Variants in ZNF84 observed in about 807,000 individuals in gnomAD.
ZNF84 encodes the protein zinc finger protein 84.
A neutral mutation model predicts 14.8 loss-of-function variants in ZNF84; 12 were observed. The ratio of observed to expected loss-of-function variants is 0.81; its 90% CI spans 0.52 to 1.31. The LOEUF (loss-of-function observed/expected upper bound fraction) is 1.31. ZNF84 is among the 50% of genes most tolerant of loss of function. The probability of loss-of-function intolerance (pLI) is 0.00; values close to 1 mark genes in which losing one functional copy is unlikely to be tolerated. For synonymous variants in ZNF84, 347 were observed against 291.1 expected, an observed-to-expected ratio of 1.19 and a Z score of -1.96; for missense variants, 859 against 878.6, an observed-to-expected ratio of 0.98 and a Z score of 0.28.
Position 133,050,404 on chromosome 12 carries a change from T to C in ZNF84, c.238+1556T>C, listed in dbSNP as rs1247431779. The C allele has an allele frequency of 1.3e-5, 5 of 398,144 alleles. No homozygotes were observed. The Admixed American group carries it at 1.3e-4, about 11-fold the overall frequency. The allele number at this position is 398,144 out of a possible 1,614,324, so 24.7% of individuals were successfully genotyped here. A position where few individuals can be genotyped will look rare whatever the true frequency, so the allele number is the denominator to read the frequency against. On this transcript the variant is annotated intron_variant, in intron 4 of 4. Coordinates refer to ENST00000539354, the MANE Select transcript of ZNF84 (RefSeq NM_001289971.2). The stretch of plus-strand genomic sequence containing the variant: ...GGTCCCTGCATACAGACCAATCTTA[T>C]GCTTTCAGCTCAAGAAAGTTCTTGG...
chr12:133,048,313 A>G (rs969892961), intron 3 of ZNF84: 37 of 421,584 alleles, frequency 8.8e-5, no homozygotes, highest in African/African-American at 6.7e-4. Context: ...TTAAGTAGTA[A>G]TAGTTTGAGC....
Position 133,048,072 on chromosome 12 carries a change from G to C in ZNF84, c.133G>C (p.Val45Leu). Residue 45 changes from valine to leucine, a missense_variant, in exon 3 of 5, where the codon GTG becomes CTG. Coordinates refer to ENST00000539354, the MANE Select transcript of ZNF84 (RefSeq NM_001289971.2). ...DVMLENYSSLVSLGYEVMKPD... is the reference protein window; with the variant it reads ...DVMLENYSSLLSLGYEVMKPD... ...GATGTTGGAGAACTATAGCAGCCTAGTGTCACTGGGTAATAAAAGCTTTCT... is the reference window on the plus strand; with the variant it reads ...GATGTTGGAGAACTATAGCAGCCTACTGTCACTGGGTAATAAAAGCTTTCT... The C allele has an allele frequency of 6.2e-7, 1 of 1,613,546 alleles. No homozygotes were observed. The highest frequency in any genetic ancestry group is 8.5e-7 in the Non-Finnish European group (1 of 1,179,630).
intron 3 of ZNF84, chr12:133,048,287 A>G (rs1394397281): frequency 6.5e-6 from 3 of 459,346 alleles, no homozygotes; most frequent in African/African-American, 1.9e-5. Flanking sequence ...TAAGTTTGTC[A>G]TGCAGCCTCT....
Position 133,059,996 on chromosome 12 carries a change from T to C in ZNF84, c.*1064T>C, listed in dbSNP as rs1185828751. The stretch of plus-strand genomic sequence containing the variant: ...AAAGGCAGGAACCACAGAATAACCA[T>C]AGTAATATATAACTGAATGAGCAAA... On this transcript the variant is annotated 3_prime_UTR_variant, in exon 5 of 5. Transcript: ENST00000539354. The C allele has an allele frequency of 2.0e-5, 3 of 152,140 alleles. No individual in the cohort carries two copies. The highest frequency in any genetic ancestry group is 7.2e-5 in the African/African-American group (3 of 41,426). 9.4% of individuals were successfully genotyped at this position (152,140 alleles called of 1,614,324 possible). A position where few individuals can be genotyped will look rare whatever the true frequency, so the allele number is the denominator to read the frequency against.
chr12:133,052,551 T>C (rs1176219257), intron 4 of ZNF84, among the ~76,000 whole-genome samples: 1 of 152,182 alleles, frequency 6.6e-6, no homozygotes, highest in Non-Finnish European at 1.5e-5. Flanking sequence ...TCCAGGCTCC[T>C]CTGAAACTCC....
intron 3 of ZNF84, chr12:133,048,375 C>T (rs1239186007): frequency 6.6e-6 from 2 of 304,742 alleles, no homozygotes; most frequent in South Asian, 5.7e-5. Flanking sequence ...CATCTTATAC[C>T]AAGTGCTTTA....
chr12:133,057,911 G>T lies in ZNF84; in HGVS notation c.1196G>T (p.Gly399Val). Residue 399 changes from glycine (G) to valine (V), a missense_variant, in exon 5 of 5, where the codon GGA becomes GTA. Transcript: ENST00000539354. The stretch of plus-strand genomic sequence containing the variant: ...ATTAGACATCAGACAATTCATACTG[G>T]AGAGAAACCCTATGAATGCAGCGAG... ...ELIRHQTIHT[G>V]EKPYECSECR... 1 of 1,614,090 alleles carries T rather than the reference G, an allele frequency of 6.2e-7. No homozygotes were observed. The highest frequency in any genetic ancestry group is 8.5e-7 in the Non-Finnish European group (1 of 1,180,018).
intron 4 of ZNF84, among the ~76,000 whole-genome samples, chr12:133,052,689 T>C (rs1161354044): frequency 1.3e-5 from 2 of 152,250 alleles, no homozygotes; most frequent in East Asian, 3.8e-4. Context: ...CCTACCCTTA[T>C]GACCTCATTT....
intron 4 of ZNF84, chr12:133,050,422 G>A (rs1436593280): frequency 1.8e-5 from 7 of 398,480 alleles, no homozygotes; most frequent in African/African-American, 4.1e-5. Context: ...GCTCAAGAAA[G>A]TTCTTGGGTA....
Position 133,047,942 on chromosome 12 carries a change from T to C in ZNF84, c.16-13T>C, listed in dbSNP as rs948069703. 1 of 1,613,608 alleles carries C rather than the reference T, an allele frequency of 6.2e-7. No individual in the cohort carries two copies. The highest frequency in any genetic ancestry group is 2.2e-5 in the East Asian group (1 of 44,852). On this transcript the variant is annotated splice_polypyrimidine_tract_variant and intron_variant, in intron 2 of 4. Coordinates refer to ENST00000539354, the MANE Select transcript of ZNF84 (RefSeq NM_001289971.2). The stretch of plus-strand genomic sequence containing the variant: ...TTAACTGCTTCAGATTTACCAGGAT[T>C]GTGCTCTTACAGGAGTCATTCTCAT...
rs1954227645 is a variant in ZNF84 at position 133,059,840 on chromosome 12, T to A, written c.*908T>A. 6.6e-6 allele frequency: 1 copy of A among 152,214 alleles called. No individual in the cohort carries two copies. The highest frequency in any genetic ancestry group is 1.5e-5 in the Non-Finnish European group (1 of 68,022). 9.4% of individuals were successfully genotyped at this position (152,214 alleles called of 1,614,324 possible). A position where few individuals can be genotyped will look rare whatever the true frequency, so the allele number is the denominator to read the frequency against. On this transcript the variant is annotated 3_prime_UTR_variant, in exon 5 of 5. Transcript: ENST00000539354. Reference sequence around the variant, plus strand: ...AGTACCTTAAGTGATAACCCGTTTCTTTTAACTTATAGACATACATAAGGG... The same window carrying A: ...AGTACCTTAAGTGATAACCCGTTTCATTTAACTTATAGACATACATAAGGG...
chr12:133,047,492 A>G (rs1954002300), intron 2 of ZNF84: 1 of 153,612 alleles, frequency 6.5e-6, no homozygotes, highest in South Asian at 2.0e-4. Flanking sequence ...GTTTCAAAAC[A>G]ATTATGTGAT....
At position 133,047,948 on chromosome 12, in the gene ZNF84, C is replaced by G; in HGVS notation, c.16-7C>G. ...GCTTCAGATTTACCAGGATTGTGCT[C>G]TTACAGGAGTCATTCTCATTTGACG... On this transcript the variant is annotated splice_region_variant and splice_polypyrimidine_tract_variant and intron_variant, in intron 2 of 4. Transcript: ENST00000539354. 1 of 1,613,628 alleles carries G rather than the reference C, an allele frequency of 6.2e-7. No individual in the cohort carries two copies. Among genetic ancestry groups the G allele is most frequent in the South Asian group, 1.1e-5 (1 of 90,990 alleles).
intron 2 of ZNF84, among the ~76,000 whole-genome samples, chr12:133,047,115 T>G (rs1047800771): frequency 2.0e-4 from 30 of 151,664 alleles, no homozygotes; most frequent in Non-Finnish European, 3.7e-4. Context: ...TTCTTTCTTT[T>G]GCTACTACCT....
intron 3 of ZNF84, 173 bp downstream of exon 3, chr12:133,048,254 C>A: frequency 1.9e-6 from 1 of 536,082 alleles, no homozygotes; most frequent in Non-Finnish European, 3.3e-6. Flanking sequence ...GTATTTGGGT[C>A]TCACCTTTCA....
In ZNF84 at chr12:133,060,819, A is replaced by G. The variant is rs796224228; in HGVS notation, c.*1887A>G. ...AAAATGCATGAACCATCCCTTAGCT[A>G]AGTAAGGATTTTGTAATGTTCTCTC... is the stretch of plus-strand genomic sequence containing the variant. On this transcript the variant is annotated 3_prime_UTR_variant, in exon 5 of 5. Transcript: ENST00000539354. The G allele has an allele frequency of 2.0e-3, 302 of 152,336 alleles. No individual in the cohort carries two copies. The highest frequency in any genetic ancestry group is 6.9e-3 in the African/African-American group (287 of 41,584). 9.4% of individuals were successfully genotyped at this position (152,336 alleles called of 1,614,324 possible).
chr12:133,049,007 G>A (rs1441988887), intron 4 of ZNF84, among the ~76,000 whole-genome samples, 159 bp downstream of exon 4: 1 of 152,146 alleles, frequency 6.6e-6, no homozygotes, highest in Non-Finnish European at 1.5e-5. Context: ...GGTCAGTGAT[G>A]GGTTGGCATC....
Position 133,057,048 on chromosome 12 carries a change from A to G in ZNF84, c.333A>G (p.Gly111=). 1 of 1,613,202 alleles carries G rather than the reference A, an allele frequency of 6.2e-7. No individual in the cohort carries two copies. The highest frequency in any genetic ancestry group is 8.5e-7 in the Non-Finnish European group (1 of 1,179,784). Residue 111 remains glycine, a synonymous_variant, in exon 5 of 5, where the codon GGA becomes GGG. Transcript: ENST00000539354. ...GAGGTCATGAATGTGATGCATTTGG[A>G]AAAAATTTCAATCTGAACATGAACT... is the stretch of plus-strand genomic sequence containing the variant. ...IKRGHECDAF[G]KNFNLNMNFV...
At chr12:133,039,451 A>C (rs1194240088) in intron 1 of ZNF84, among the ~76,000 whole-genome samples, 1 of 152,232 alleles carries the variant, frequency 6.6e-6, no homozygotes, top group Non-Finnish European at 1.5e-5. Context: ...ACATAGCAGG[A>C]TAGAGAATTA....
Sources: allele counts gnomAD v4.1 joint callset (sites outside exome capture counted in the v4.1 genomes callset), GRCh38; gene constraint gnomAD v4.1.1; transcripts MANE v1.5; gene names NCBI Gene and HGNC (gene_info 2026-07-23, HGNC 2026-07-21).